The following ZFAT variants were observed in gnomAD, a reference collection of about 807,000 sequenced individuals.
ZFAT encodes the protein zinc finger and AT-hook domain containing.
Under a neutral mutation model 117.7 loss-of-function variants are expected in ZFAT, and 64 were observed. The observed-to-expected ratio is 0.54, with a 90% CI of 0.44 to 0.67. ZFAT has a LOEUF of 0.67. Among genes scored for constraint, ZFAT ranks in the 30% least tolerant of loss-of-function variants. The pLI is 0.00. For missense variants in ZFAT, 1,433 were observed against 1,584.5 expected, an observed-to-expected ratio of 0.90 and a Z score of 1.62; for synonymous variants, 679 against 615.0, an observed-to-expected ratio of 1.10 and a Z score of -1.54.
At chr8:134,609,956 C>T (rs991647379) in intron 4 of ZFAT, among the ~76,000 whole-genome samples, 3 of 152,156 alleles carry the variant, frequency 2.0e-5, no homozygotes, top group Non-Finnish European at 4.4e-5. Flanking sequence ...AGAACTCTAA[C>T]CTTTGAGAGA....
intron 1 of ZFAT, among the ~76,000 whole-genome samples, chr8:134,693,118 G>T (rs1383392816): frequency 6.6e-6 from 1 of 152,090 alleles, no homozygotes; most frequent in African/African-American, 2.4e-5. Flanking sequence ...TTTCTGAGAG[G>T]GTGGAGAGGC....
intron 3 of ZFAT, 63 bp downstream of exon 3, chr8:134,637,398 T>C (rs1830281916): frequency 2.6e-6 from 4 of 1,552,424 alleles, no homozygotes; most frequent in Admixed American, 3.6e-5. Flanking sequence ...CAGTGAAACC[T>C]GATATTAGCA....
intron 1 of ZFAT, among the ~76,000 whole-genome samples, chr8:134,658,094 T>C (rs1434275471): frequency 6.6e-6 from 1 of 152,088 alleles, no homozygotes; most frequent in Non-Finnish European, 1.5e-5. Flanking sequence ...TCCCAGCACT[T>C]TGGGAGGCCG....
Position 134,657,646 on chromosome 8 carries a change from T to G in ZFAT, c.111A>C (p.Glu37Asp), listed in dbSNP as rs200441089. 567 of 1,614,124 alleles carry G rather than the reference T, an allele frequency of 3.5e-4. 2 individuals are homozygous for G. In the African/African-American group the frequency reaches 7.0e-3, roughly 20 times the overall value. The change falls in exon 2 of 16, where the codon GAA becomes GAC. Residue 37 changes from glutamate (E) to aspartate (D), a missense_variant. Transcript: ENST00000377838. ...LLSHVSEKHM[E>D]EGVNVDEIII... ...TAATCTCATCAACATTAACCCCTTCTTCCATGTGCTTCTCTGAAACGTGGG... is the reference window on the plus strand; with the variant it reads ...TAATCTCATCAACATTAACCCCTTCGTCCATGTGCTTCTCTGAAACGTGGG...
the ZFAT span, among the ~76,000 whole-genome samples, chr8:134,743,596 T>A: frequency 6.6e-6 from 1 of 152,202 alleles, no homozygotes; most frequent in Admixed American, 6.5e-5. Flanking sequence ...TGCAGCAAAG[T>A]GTTTCTTGGA....
At chr8:134,759,387 G>A in the ZFAT span, among the ~76,000 whole-genome samples, 2 of 152,188 alleles carry the variant, frequency 1.3e-5, no homozygotes, top group African/African-American at 4.8e-5. Context: ...CTACCTTGAT[G>A]TAAATCCCAG....
the ZFAT span, among the ~76,000 whole-genome samples, chr8:134,778,392 G>T: frequency 6.4e-4 from 97 of 152,244 alleles, no homozygotes; most frequent in East Asian, 3.5e-3. Flanking sequence ...AATCCAGCCG[G>T]CTATATGAAG....
At chr8:134,749,519 G>A in the ZFAT span, among the ~76,000 whole-genome samples, 2 of 152,130 alleles carry the variant, frequency 1.3e-5, no homozygotes, top group Admixed American at 6.6e-5. Context: ...CTTGAGGGTA[G>A]AGCCCTCATC....
the ZFAT span, among the ~76,000 whole-genome samples, chr8:134,791,799 A>G: frequency 6.6e-6 from 1 of 152,208 alleles, no homozygotes; most frequent in South Asian, 2.1e-4. Flanking sequence ...CTTACAGCTA[A>G]AAGATAGCCA....
intron 1 of ZFAT, among the ~76,000 whole-genome samples, chr8:134,666,831 G>A (rs1002046875): frequency 7.2e-5 from 11 of 152,146 alleles, no homozygotes; most frequent in African/African-American, 2.7e-4. Flanking sequence ...GTAGAAGTGG[G>A]AAAGTATTCA....
At chr8:134,612,558 C>A (rs946022835) in intron 3 of ZFAT, among the ~76,000 whole-genome samples, 1 of 152,210 alleles carries the variant, frequency 6.6e-6, no homozygotes, top group Non-Finnish European at 1.5e-5. Flanking sequence ...AACAAACATT[C>A]TAATTTTCTA....
At chr8:134,494,994 G>A (rs545203720) in intron 15 of ZFAT, among the ~76,000 whole-genome samples, 88 of 152,170 alleles carry the variant, frequency 5.8e-4, no homozygotes, top group Non-Finnish European at 1.1e-3. Context: ...AGAGTAGGAA[G>A]ATCTACTTAA....
At chr8:134,776,053 G>A in the ZFAT span, among the ~76,000 whole-genome samples, 1 of 152,230 alleles carries the variant, frequency 6.6e-6, no homozygotes, top group Middle Eastern at 3.4e-3. Context: ...AAAGCATTAT[G>A]GTAAATGCTG....
chr8:134,488,646 T>A (rs1817823419), intron 15 of ZFAT, among the ~76,000 whole-genome samples: 1 of 151,760 alleles, frequency 6.6e-6, no homozygotes, highest in Non-Finnish European at 1.5e-5. Context: ...TGGTGGAGGC[T>A]AGAAACAGAA....
intron 2 of ZFAT, among the ~76,000 whole-genome samples, chr8:134,638,410 G>T (rs1830359019): frequency 1.3e-5 from 2 of 152,024 alleles, no homozygotes; most frequent in South Asian, 4.1e-4. Flanking sequence ...TGGGAATTAA[G>T]AGGGGTGAGC....
Position 134,636,955 on chromosome 8 carries a change from C to A in ZFAT, c.448+506G>T, listed in dbSNP as rs145651908. ...TAGTCCTCAGCCAATGCTGGCCCAT[C>A]GAGGTCCCTCATAGGAGCCTTGAGG... is the stretch of plus-strand genomic sequence containing the variant. On this transcript the variant is annotated intron_variant, in intron 3 of 15. Coordinates refer to ENST00000377838, the MANE Select transcript of ZFAT (RefSeq NM_020863.4). Among the ~76,000 whole-genome samples, 715 of 152,362 alleles carry A rather than the reference C, an allele frequency of 4.7e-3. 8 individuals are homozygous for A. The highest frequency in any genetic ancestry group is 0.02 in the Middle Eastern group (6 of 294).
chr8:134,552,460 T>C (rs1323346306), intron 11 of ZFAT, among the ~76,000 whole-genome samples: 1 of 152,236 alleles, frequency 6.6e-6, no homozygotes, highest in Non-Finnish European at 1.5e-5. Flanking sequence ...CTCACTAGTT[T>C]TATGAAAATA....
At chr8:134,694,426 G>C (rs1833729131) in intron 1 of ZFAT, among the ~76,000 whole-genome samples, 1 of 152,220 alleles carries the variant, frequency 6.6e-6, no homozygotes, top group South Asian at 2.1e-4. Context: ...AAGCAATGTA[G>C]TAAAATACTA....
At chr8:134,522,093 T>A (rs1820706873) in intron 12 of ZFAT, among the ~76,000 whole-genome samples, 1 of 152,226 alleles carries the variant, frequency 6.6e-6, no homozygotes, top group Admixed American at 6.5e-5. Flanking sequence ...CCAGAGAGCG[T>A]GTTCTTTCCC....
Sources: allele counts gnomAD v4.1 joint callset (sites outside exome capture counted in the v4.1 genomes callset), GRCh38; gene constraint gnomAD v4.1.1; transcripts MANE v1.5; gene names NCBI Gene and HGNC (gene_info 2026-07-23, HGNC 2026-07-21).